The following CLTCL1 variants were observed in gnomAD, a reference collection of about 807,000 sequenced individuals.
CLTCL1 encodes the protein clathrin heavy chain 2.
CLTCL1 carries 159 observed loss-of-function variants against 190.0 expected under a neutral mutation model. That is an observed-to-expected ratio of 0.84 (90% CI 0.74 to 0.95). The LOEUF (loss-of-function observed/expected upper bound fraction) is 0.95, where lower values mean the gene tolerates loss of function less well. Among genes scored for constraint, CLTCL1 ranks in the 40% least tolerant of loss-of-function variants. The pLI, the probability that CLTCL1 is intolerant of heterozygous loss-of-function variation, is 0.00. For missense variants in CLTCL1, 1,878 were observed against 2,033.4 expected (o/e 0.92, Z 1.47); for synonymous variants, 752 against 769.6 (o/e 0.98, Z 0.38).
chr22:19,275,557 A>G, intron 2 of CLTCL1, 66 bp downstream of exon 2: 3 of 1,451,236 alleles, frequency 2.1e-6, no homozygotes, highest in Non-Finnish European at 2.8e-6. Context: ...CACTTGTTCA[A>G]TATTTAAGGT....
intron 4 of CLTCL1, among the ~76,000 whole-genome samples, 160 bp from the exon 5 acceptor site, chr22:19,239,548 C>T (rs1555964182): frequency 3.9e-5 from 6 of 152,196 alleles, no homozygotes; most frequent in Non-Finnish European, 8.8e-5. Context: ...GTCGGAGTGC[C>T]TGTGATTATC....
chr22:19,218,515 T>C (rs2085463367), intron 18 of CLTCL1, among the ~76,000 whole-genome samples: 1 of 152,172 alleles, frequency 6.6e-6, no homozygotes, highest in African/African-American at 2.4e-5. Flanking sequence ...TCAGTAGAGA[T>C]AAAGGTCAAA....
intron 2 of CLTCL1, among the ~76,000 whole-genome samples, chr22:19,270,498 C>T (rs1259634512): frequency 1.3e-5 from 2 of 151,282 alleles, no homozygotes; most frequent in Non-Finnish European, 2.9e-5. Flanking sequence ...GAGGCTGAGG[C>T]AGGTGGATCA....
chr22:19,272,604 G>C (rs1483189900), intron 2 of CLTCL1, among the ~76,000 whole-genome samples: 2 of 152,118 alleles, frequency 1.3e-5, no homozygotes, highest in Non-Finnish European at 2.9e-5. Context: ...CCGAGTAACT[G>C]AGATTACAGG....
chr22:19,220,153 G>A, intron 17 of CLTCL1, 146 bp from the exon 18 acceptor site: 1 of 977,212 alleles, frequency 1.0e-6, no homozygotes, highest in Non-Finnish European at 1.6e-6. Flanking sequence ...TTTGACATGG[G>A]ATGAGCAGCA....
At chr22:19,202,554 T>TCCCGCACCACCCCTCCTTCGCCATCCAC in intron 22 of CLTCL1, among the ~76,000 whole-genome samples, 1 of 37,882 alleles carries the variant, frequency 2.6e-5, no homozygotes, top group Non-Finnish European at 4.4e-5. Flanking sequence ...CTGTCATCCA[T>TCCCGCACCACCCCTCCTTCGCCATCCAC]GGCACCTCCC....
intron 2 of CLTCL1, chr22:19,257,657 G>C (rs919058650): frequency 2.1e-6 from 1 of 484,100 alleles, no homozygotes; most frequent in African/African-American, 2.0e-5. Flanking sequence ...TGGGCTCCCA[G>C]ATCTCTGTGT....
chr22:19,288,929 C>T (rs1170397435), intron 1 of CLTCL1, among the ~76,000 whole-genome samples: 5 of 152,334 alleles, frequency 3.3e-5, no homozygotes, highest in African/African-American at 1.2e-4. Context: ...GCATCAAATG[C>T]GGCTGGACAT....
At chr22:19,278,178 A>G (rs1479507657) in intron 1 of CLTCL1, among the ~76,000 whole-genome samples, 2 of 152,156 alleles carry the variant, frequency 1.3e-5, no homozygotes, top group African/African-American at 4.8e-5. Flanking sequence ...CATCAGCACC[A>G]CATTATTTTA....
chr22:19,194,436 C>T (rs1396584567), intron 26 of CLTCL1, among the ~76,000 whole-genome samples: 5 of 152,106 alleles, frequency 3.3e-5, no homozygotes, highest in African/African-American at 7.2e-5. Context: ...GAGCCAAGAT[C>T]GCGCCACTGC....
chr22:19,213,711 C>T (rs562826300), intron 19 of CLTCL1, among the ~76,000 whole-genome samples: 2 of 152,186 alleles, frequency 1.3e-5, no homozygotes, highest in East Asian at 3.9e-4. Flanking sequence ...ACTCCATTTG[C>T]ATGACATTCT....
At chr22:19,261,389 CG>C (rs1381671984) in intron 2 of CLTCL1, among the ~76,000 whole-genome samples, 13 of 152,130 alleles carry the variant, frequency 8.5e-5, no homozygotes, top group Non-Finnish European at 1.5e-4. Context: ...GGATTACAGG[CG>C]GAAGCCACCG....
chr22:19,259,131 G>A (rs1253110635), intron 2 of CLTCL1, among the ~76,000 whole-genome samples: 1 of 152,100 alleles, frequency 6.6e-6, no homozygotes, highest in Non-Finnish European at 1.5e-5. Flanking sequence ...TTGAGACAGC[G>A]TTTCGCTCTT....
rs782037820 is a variant in CLTCL1 at position 19,188,032 on chromosome 22, CTTG to C, written c.4380_4382del (p.Asn1460del). ...GGTGGTTGAGTGCCTCATTCACACT[CTTG>C]TTGTTGTGGCTCTGGACTGACCGCA... On this transcript the variant is annotated inframe_deletion, in exon 28 of 33. Transcript: ENST00000427926. The C allele has an allele frequency of 1.1e-5, 17 of 1,613,936 alleles. No individual in the cohort carries two copies. In the East Asian group the frequency reaches 1.1e-4, roughly 11 times the overall value.
intron 20 of CLTCL1, among the ~76,000 whole-genome samples, chr22:19,209,990 TG>T (rs1471406623): frequency 1.3e-5 from 2 of 151,686 alleles, no homozygotes; most frequent in African/African-American, 4.8e-5. Flanking sequence ...TGGTTGTCAT[TG>T]AGGGTAAGAT....
intron 2 of CLTCL1, among the ~76,000 whole-genome samples, chr22:19,256,432 A>G (rs1174630100): frequency 7.0e-6 from 1 of 143,308 alleles, no homozygotes; most frequent in Non-Finnish European, 1.5e-5. Context: ...TCTCAGCTCA[A>G]TGCAGCCTCC....
chr22:19,277,224 T>C (rs1381345320), intron 1 of CLTCL1, among the ~76,000 whole-genome samples: 1 of 152,208 alleles, frequency 6.6e-6, no homozygotes, highest in Non-Finnish European at 1.5e-5. Flanking sequence ...ATGTTCCAGC[T>C]GCTGAGTGGA....
Position 19,209,180 on chromosome 22 carries a change from T to C in CLTCL1, c.3250-66A>G, listed in dbSNP as rs1243705439. On this transcript the variant is annotated intron_variant, in intron 20 of 32. Transcript: ENST00000427926. ...GTCAGCTCCAAAAAACAGACACATTTTTGTTTGGTTTCCTGTTCTGCCTAA... is the reference window on the plus strand; with the variant it reads ...GTCAGCTCCAAAAAACAGACACATTCTTGTTTGGTTTCCTGTTCTGCCTAA... The C allele has an allele frequency of 2.8e-6, 4 of 1,427,040 alleles. No individual in the cohort carries two copies. The African/African-American group carries it at 5.7e-5, about 20-fold the overall frequency. 88.4% of individuals were successfully genotyped at this position (1,427,040 alleles called of 1,614,324 possible). A position where few individuals can be genotyped will look rare whatever the true frequency, so the allele number is the denominator to read the frequency against.
intron 22 of CLTCL1, among the ~76,000 whole-genome samples, chr22:19,206,686 T>C (rs1480591093): frequency 2.0e-5 from 3 of 152,000 alleles, no homozygotes; most frequent in Admixed American, 6.5e-5. Flanking sequence ...ATTCTCGCAC[T>C]TCGGCCTCCC....
Sources: allele counts gnomAD v4.1 joint callset (sites outside exome capture counted in the v4.1 genomes callset), GRCh38; gene constraint gnomAD v4.1.1; transcripts MANE v1.5; gene names NCBI Gene and HGNC (gene_info 2026-07-23, HGNC 2026-07-21).